CCDC192: variants seen among roughly 807,000 people sequenced by gnomAD.
CCDC192 encodes the protein coiled-coil domain containing 192, also known as coiled-coil domain-containing protein 192.
intron 2 of CCDC192, among the ~76,000 whole-genome samples, chr5:127,751,798 G>T (rs1754190453): frequency 2.0e-5 from 3 of 152,102 alleles, no homozygotes; most frequent in South Asian, 4.1e-4. Context: ...ATATTTCTTG[G>T]AGGCTTTACT....
At chr5:127,882,261 G>A (rs1467516627) in intron 6 of CCDC192, among the ~76,000 whole-genome samples, 2 of 152,146 alleles carry the variant, frequency 1.3e-5, no homozygotes, top group East Asian at 3.9e-4. Context: ...TTTATTTTAA[G>A]TATCAAACTA....
At chr5:127,796,375 G>A (rs1757165602) in intron 3 of CCDC192, among the ~76,000 whole-genome samples, 1 of 152,172 alleles carries the variant, frequency 6.6e-6, no homozygotes, top group African/African-American at 2.4e-5. Flanking sequence ...AGAATTGTGT[G>A]TCCCTTTCCA....
chr5:127,844,138 G>C (rs1750422603), intron 5 of CCDC192, among the ~76,000 whole-genome samples: 1 of 151,866 alleles, frequency 6.6e-6, no homozygotes, highest in Non-Finnish European at 1.5e-5. Flanking sequence ...CTTTCTTCTT[G>C]CCCTGTTCCA....
intron 6 of CCDC192, among the ~76,000 whole-genome samples, chr5:127,936,642 G>A (rs143772209): frequency 2.6e-5 from 4 of 152,316 alleles, no homozygotes; most frequent in African/African-American, 7.2e-5. Flanking sequence ...CAGTAGTGGC[G>A]AAAGTGATGA....
At chr5:127,906,306 T>C (rs562254059) in intron 6 of CCDC192, among the ~76,000 whole-genome samples, 1 of 152,338 alleles carries the variant, frequency 6.6e-6, no homozygotes, top group South Asian at 2.1e-4. Flanking sequence ...TTTATTTCAC[T>C]TAGGAAATGT....
At chr5:127,859,027 C>A (rs1194949060) in intron 5 of CCDC192, among the ~76,000 whole-genome samples, 1 of 152,160 alleles carries the variant, frequency 6.6e-6, no homozygotes, top group African/African-American at 2.4e-5. Flanking sequence ...GAACATTTGT[C>A]TGTTCACAAA....
chr5:127,703,821 T>C (rs1032040071), intron 1 of CCDC192, among the ~76,000 whole-genome samples: 1 of 152,188 alleles, frequency 6.6e-6, no homozygotes. Flanking sequence ...GGGGAGGGTA[T>C]GAAGCCAGCC....
intron 2 of CCDC192, among the ~76,000 whole-genome samples, chr5:127,742,845 A>G (rs925812328): frequency 6.6e-6 from 1 of 152,188 alleles, no homozygotes; most frequent in African/African-American, 2.4e-5. Context: ...TGTTCTCTTT[A>G]AAAGTTTGCC....
At chr5:127,918,193 G>C (rs1056153271) in intron 6 of CCDC192, among the ~76,000 whole-genome samples, 1 of 140,552 alleles carries the variant, frequency 7.1e-6, no homozygotes, top group Non-Finnish European at 1.5e-5. Flanking sequence ...CCCAATGCAG[G>C]GTTGCCAGAC....
chr5:127,798,797 C>T (rs1757318448), intron 5 of CCDC192, among the ~76,000 whole-genome samples: 1 of 151,290 alleles, frequency 6.6e-6, no homozygotes, highest in Non-Finnish European at 1.5e-5. Flanking sequence ...CCATATAAAC[C>T]AATCAGACTA....
At position 127,941,454 on chromosome 5, in the gene CCDC192, G is replaced by A; in HGVS notation, c.808G>A (p.Asp270Asn). ...TCATGACATCCCACCTGTGGTCTCT[G>A]ATGAGAATTTGTAGATTCCCAATAA... ...STHDIPPVVS[D>N]ENL The change falls in exon 7 of 7, where the codon GAT (aspartate) becomes AAT (asparagine). Residue 270 changes from aspartate (D) to asparagine (N), a missense_variant. By Grantham distance (23) the Asp-to-Asn change is conservative. Coordinates refer to ENST00000514853, the MANE Select transcript of CCDC192 (RefSeq NM_001317938.2). 1 of 399,056 alleles carries A rather than the reference G, an allele frequency of 2.5e-6. No individual in the cohort carries two copies. The highest frequency in any genetic ancestry group is 4.4e-6 in the Non-Finnish European group (1 of 226,056). The allele number at this position is 399,056 out of a possible 1,614,324, so 24.7% of individuals were successfully genotyped here.
intron 5 of CCDC192, among the ~76,000 whole-genome samples, chr5:127,867,427 T>G (rs1580772400): frequency 6.6e-6 from 1 of 152,348 alleles, no homozygotes; most frequent in East Asian, 1.9e-4. Flanking sequence ...TTTCCACCAC[T>G]TGTAAATTCG....
intron 3 of CCDC192, among the ~76,000 whole-genome samples, chr5:127,794,359 A>G (rs1757045803): frequency 6.6e-6 from 1 of 152,222 alleles, no homozygotes; most frequent in Admixed American, 6.5e-5. Flanking sequence ...TTGATAAGTC[A>G]TATAATTTTG....
intron 5 of CCDC192, among the ~76,000 whole-genome samples, chr5:127,842,550 C>T (rs971038155): frequency 6.6e-6 from 1 of 152,162 alleles, no homozygotes; most frequent in Non-Finnish European, 1.5e-5. Flanking sequence ...CAAAAGGTAC[C>T]TGGACTTTTC....
At chr5:127,750,383 T>C (rs1754072341) in intron 2 of CCDC192, among the ~76,000 whole-genome samples, 3 of 152,192 alleles carry the variant, frequency 2.0e-5, no homozygotes, top group African/African-American at 2.4e-5. Context: ...CCAGTAGTCA[T>C]TCAGGAGCAG....
At chr5:127,792,735 G>T (rs1482435420) in intron 3 of CCDC192, among the ~76,000 whole-genome samples, 1 of 151,140 alleles carries the variant, frequency 6.6e-6, no homozygotes, top group African/African-American at 2.4e-5. Flanking sequence ...AAAAGGAGGA[G>T]AAGGAAAAGG....
At chr5:127,859,836 T>A (rs1343015134) in intron 5 of CCDC192, among the ~76,000 whole-genome samples, 1 of 152,220 alleles carries the variant, frequency 6.6e-6, no homozygotes, top group Non-Finnish European at 1.5e-5. Flanking sequence ...ATGTCTATTC[T>A]ATGGTTTTAC....
At chr5:127,938,893 A>G (rs968474898) in intron 6 of CCDC192, among the ~76,000 whole-genome samples, 2 of 152,110 alleles carry the variant, frequency 1.3e-5, no homozygotes, top group African/African-American at 4.8e-5. Flanking sequence ...GCCTCCTGCC[A>G]TATGGACTCC....
intron 3 of CCDC192, among the ~76,000 whole-genome samples, chr5:127,773,434 A>G (rs1160967545): frequency 3.9e-5 from 6 of 152,176 alleles, no homozygotes; most frequent in Non-Finnish European, 8.8e-5. Context: ...ATTACTCCTC[A>G]TATCCTCTTC....
Sources: gnomAD v4.1 joint callset for allele counts (sites outside exome capture counted in the v4.1 genomes callset) on GRCh38, gnomAD v4.1.1 for gene constraint, MANE v1.5 for transcripts, NCBI Gene and HGNC (gene_info 2026-07-23, HGNC 2026-07-21) for gene names.